CD276: variants seen among roughly 807,000 people sequenced by gnomAD.
The protein encoded by CD276 is CD276 antigen.
A neutral mutation model predicts 50.0 loss-of-function variants in CD276; 34 were observed. The observed-to-expected ratio is 0.68, with a 90% CI of 0.52 to 0.91. The LOEUF is 0.91. CD276 is among the 40% of genes least tolerant of loss of function. The pLI, the probability that CD276 is intolerant of heterozygous loss-of-function variation, is 0.00. For missense variants in CD276, 634 were observed against 717.5 expected (o/e 0.88, Z 1.33); for synonymous variants, 275 against 313.0 (o/e 0.88, Z 1.28).
chr15:73,688,154 G>C (rs1899839962), intron 1 of CD276, among the ~76,000 whole-genome samples: 2 of 152,136 alleles, frequency 1.3e-5, no homozygotes, highest in South Asian at 4.1e-4. Flanking sequence ...TAGGGATACA[G>C]AAGGAGTAAT....
chr15:73,690,693 C>CA (rs768646946), intron 1 of CD276: 17 of 455,874 alleles, frequency 3.7e-5, no homozygotes, highest in South Asian at 2.6e-4. Context: ...AATACTGTTA[C>CA]AGTGGCAATT....
In CD276 at chr15:73,687,992, C is replaced by T. The variant is rs141207410; in HGVS notation, c.-55+3532C>T. Among the ~76,000 whole-genome samples, 955 of 152,150 alleles carry T rather than the reference C, an allele frequency of 6.3e-3. 7 individuals carry two copies. Among genetic ancestry groups the T allele is most frequent in the African/African-American group, 0.022 (899 of 41,480 alleles). On this transcript the variant is annotated intron_variant, in intron 1 of 9. Transcript: ENST00000318443. The surrounding 1 kb of genome is among the most constrained non-coding windows in gnomAD (Gnocchi z 4.0). ...TGTGCTAGGGGCTATGGCAGCAGGA[C>T]GGTAGGAGCTCATGGTACTTGGAAC...
In CD276 at chr15:73,687,281, A is replaced by G. The variant is rs1304421938; in HGVS notation, c.-55+2821A>G. ...ATTATCTCATGTAATCCTCATAGTA[A>G]TCCTATGAGGTAGGGTATCATTAAC... is the stretch of plus-strand genomic sequence containing the variant. On this transcript the variant is annotated intron_variant, in intron 1 of 9. Transcript: ENST00000318443. The surrounding 1 kb of genome is among the most constrained non-coding windows in gnomAD (Gnocchi z 4.0). Among the ~76,000 whole-genome samples the G allele has an allele frequency of 6.6e-6, 1 of 152,042 alleles. No individual in the cohort carries two copies. The highest frequency in any genetic ancestry group is 1.5e-5 in the Non-Finnish European group (1 of 68,006).
chr15:73,688,964 A>T (rs1420036115), intron 1 of CD276, among the ~76,000 whole-genome samples: 1 of 152,146 alleles, frequency 6.6e-6, no homozygotes, highest in African/African-American at 2.4e-5. Flanking sequence ...ATTTCCAGAT[A>T]TGTTTAGGTG....
At position 73,713,258 on chromosome 15, in the gene CD276, A is replaced by G. The variant is rs1411818441; in HGVS notation, c.*302A>G. The stretch of plus-strand genomic sequence containing the variant: ...TACATACATTTCTTAGGGACACAGT[A>G]CACTGACCACATCACCACCCTCTTC... On this transcript the variant is annotated 3_prime_UTR_variant, in exon 10 of 10. Coordinates refer to ENST00000318443, the MANE Select transcript of CD276 (RefSeq NM_001024736.2). The G allele has an allele frequency of 2.4e-6, 1 of 422,004 alleles. No homozygotes were observed. The highest frequency in any genetic ancestry group is 2.1e-5 in the African/African-American group (1 of 48,378). The allele number at this position is 422,004 out of a possible 1,614,324, so 26.1% of individuals were successfully genotyped here. A position where few individuals can be genotyped will look rare whatever the true frequency, so the allele number is the denominator to read the frequency against.
intron 8 of CD276, among the ~76,000 whole-genome samples, chr15:73,710,898 T>C (rs933832305): frequency 3.3e-5 from 5 of 152,162 alleles, no homozygotes; most frequent in African/African-American, 1.2e-4. Context: ...TGTCCCATTC[T>C]ATAGATGCAG....
chr15:73,707,752 G>A (rs1447471707), intron 6 of CD276, among the ~76,000 whole-genome samples: 1 of 152,156 alleles, frequency 6.6e-6, no homozygotes, highest in African/African-American at 2.4e-5. Context: ...CAGGCCACAA[G>A]CCAGCTTTGG....
In CD276 at chr15:73,687,694, G is replaced by T. The variant is rs1048550187; in HGVS notation, c.-55+3234G>T. Among the ~76,000 whole-genome samples, 1 of 152,150 alleles carries T rather than the reference G, an allele frequency of 6.6e-6. No individual in the cohort carries two copies. Among genetic ancestry groups the T allele is most frequent in the African/African-American group, 2.4e-5 (1 of 41,426 alleles). On this transcript the variant is annotated intron_variant, in intron 1 of 9. Transcript: ENST00000318443. This position sits in a 1 kb window ranked among gnomAD's most constrained non-coding sequence, Gnocchi z 4.0. ...TTCTGACCAGTGCTCCCAGCCAGCT[G>T]CCCCCTTTCTCCCTTTCTTTCTCTT... is the stretch of plus-strand genomic sequence containing the variant.
intron 2 of CD276, among the ~76,000 whole-genome samples, chr15:73,700,882 T>TCTCCTCCTCCTCCTCCTCCCCCCTCCTG (rs1900352569): frequency 2.7e-3 from 1 of 364 alleles, no homozygotes; most frequent in Non-Finnish European, 7.4e-3. Flanking sequence ...GGGGTTCGCT[T>TCTCCTCCTCCTCCTCCTCCCCCCTCCTG]CCCCTCCTCC....
Position 73,704,179 on chromosome 15 carries a change from C to T in CD276, c.1076C>T (p.Pro359Leu), listed in dbSNP as rs1246053000. The T allele has an allele frequency of 6.2e-7, 1 of 1,611,292 alleles. No individual in the cohort carries two copies. Among genetic ancestry groups the T allele is most frequent in the Non-Finnish European group, 8.5e-7 (1 of 1,178,694 alleles). The change falls in exon 6 of 10, where the codon CCC (proline) becomes CTC (leucine). Residue 359 changes from proline (P) to leucine (L), a missense_variant. Pro to Leu is a moderately conservative substitution (Grantham distance 98). Coordinates refer to ENST00000318443, the MANE Select transcript of CD276 (RefSeq NM_001024736.2). The surrounding 1 kb of genome is among the most constrained non-coding windows in gnomAD (Gnocchi z 4.1). ...SAAVSLQVAA[P>L]YSKPSMTLEP... ...CCCTGCCCTCTGTCACCTCCAGCTCCCTACTCGAAGCCCAGCATGACCCTG... is the reference window on the plus strand; with the variant it reads ...CCCTGCCCTCTGTCACCTCCAGCTCTCTACTCGAAGCCCAGCATGACCCTG...
chr15:73,697,046 T>C (rs953927319), intron 1 of CD276, among the ~76,000 whole-genome samples: 1 of 152,130 alleles, frequency 6.6e-6, no homozygotes, highest in Non-Finnish European at 1.5e-5. Flanking sequence ...TGGGCGTTCG[T>C]TCATCCTTAG....
chr15:73,701,612 C>T (rs1283215758), intron 2 of CD276, among the ~76,000 whole-genome samples: 1 of 152,116 alleles, frequency 6.6e-6, no homozygotes, highest in Non-Finnish European at 1.5e-5. Context: ...TATGTCAGCT[C>T]TTTTTCATTC....
At position 73,702,880 on chromosome 15, in the gene CD276, T is replaced by C. The variant is rs779677363; in HGVS notation, c.527T>C (p.Val176Ala). ...TACCAGGGCTACCCTGAGGCTGAGG[T>C]GTTCTGGCAGGATGGGCAGGGTGTG... ...SSYQGYPEAE[V>A]FWQDGQGVPL... The change falls in exon 4 of 10, where the codon GTG (valine) becomes GCG (alanine). Residue 176 changes from valine (V) to alanine (A), a missense_variant. Coordinates refer to ENST00000318443, the MANE Select transcript of CD276 (RefSeq NM_001024736.2). 1.1e-5 allele frequency: 18 copies of C among 1,613,910 alleles called. No individual in the cohort carries two copies. Among genetic ancestry groups the C allele is most frequent in the Non-Finnish European group, 1.4e-5 (17 of 1,180,022 alleles).
chr15:73,699,816 C>T (rs548485159), intron 2 of CD276, 98 bp downstream of exon 2: 1 of 1,402,466 alleles, frequency 7.1e-7, no homozygotes, highest in East Asian at 2.5e-5. Context: ...CAAGCCAGCT[C>T]TGGCTAGCAG....
chr15:73,693,296 C>T (rs1900053155), intron 1 of CD276, among the ~76,000 whole-genome samples: 1 of 152,118 alleles, frequency 6.6e-6, no homozygotes, highest in African/African-American at 2.4e-5. Context: ...TGCACCAGAA[C>T]AGTCAAAAGA....
Position 73,704,263 on chromosome 15 carries a change from G to A in CD276, c.1160G>A (p.Arg387Gln), listed in dbSNP as rs150186392. 915 of 1,613,782 alleles carry A rather than the reference G, an allele frequency of 5.7e-4. 1 individual carries two copies. The highest frequency in any genetic ancestry group is 2.6e-3 in the African/African-American group (191 of 74,860). ...DTVTITCSSY[R>Q]GYPEAEVFWQ... ...GTGACCATCACGTGCTCCAGCTACC[G>A]GGGCTACCCTGAGGCTGAGGTGTTC... The change falls in exon 6 of 10, where the codon CGG (arginine) becomes CAG (glutamine). Residue 387 changes from arginine (R) to glutamine (Q), a missense_variant. Physicochemically the swap from Arg to Gln is conservative, Grantham distance 43 (BLOSUM62 1). Coordinates refer to ENST00000318443, the MANE Select transcript of CD276 (RefSeq NM_001024736.2). The surrounding 1 kb of genome is among the most constrained non-coding windows in gnomAD (Gnocchi z 4.1).
rs568722412 is a variant in CD276 at position 73,705,145 on chromosome 15, G to A, written c.1369+673G>A. On this transcript the variant is annotated intron_variant, in intron 6 of 9. Coordinates refer to ENST00000318443, the MANE Select transcript of CD276 (RefSeq NM_001024736.2). ...CTCCATCTGTGTTTGGCCCTGAGAG[G>A]CCTCTGGTCAGTCACTTCCTGGGCC... Among the ~76,000 whole-genome samples, 5 of 152,324 alleles carry A rather than the reference G, an allele frequency of 3.3e-5. No individual in the cohort carries two copies. The South Asian group carries it at 8.3e-4, about 25-fold the overall frequency.
Position 73,704,152 on chromosome 15 carries a change from A to C in CD276, c.1073-24A>C, listed in dbSNP as rs748243761. The C allele has an allele frequency of 6.2e-7, 1 of 1,602,474 alleles. No homozygotes were observed. The highest frequency in any genetic ancestry group is 2.3e-5 in the East Asian group (1 of 44,358). On this transcript the variant is annotated intron_variant, in intron 5 of 9. Transcript: ENST00000318443. This position sits in a 1 kb window ranked among gnomAD's most constrained non-coding sequence, Gnocchi z 4.1. ...CTCCCCTGCCATTGCCCTGCCCTTG[A>C]CCCCTGCCCTCTGTCACCTCCAGCT...
At chr15:73,690,020 G>A (rs1899928106) in intron 1 of CD276, among the ~76,000 whole-genome samples, 3 of 152,236 alleles carry the variant, frequency 2.0e-5, no homozygotes, top group Non-Finnish European at 2.9e-5. Flanking sequence ...AAACAGAGAA[G>A]TGTATCAAGT....
Sources: gnomAD v4.1 joint callset for allele counts (sites outside exome capture counted in the v4.1 genomes callset) on GRCh38, gnomAD v4.1.1 for gene constraint, Gnocchi (gnomAD v3.1) non-coding constraint, MANE v1.5 for transcripts, NCBI Gene and HGNC (gene_info 2026-07-23, HGNC 2026-07-21) for gene names.